Variants in EBF1 observed in about 807,000 individuals in gnomAD.
EBF1 encodes EBF transcription factor 1, also known as transcription factor COE1.
In EBF1, 10 loss-of-function variants were observed where a neutral mutation model predicts 68.4. The ratio of observed to expected loss-of-function variants is 0.15; its 90% CI spans 0.09 to 0.25. The LOEUF is 0.25. Ranked by LOEUF, EBF1 falls within the 10% of genes least tolerant of loss-of-function variation. The pLI, the probability that EBF1 is intolerant of heterozygous loss-of-function variation, is 1.00. For missense variants in EBF1, 509 were observed against 794.4 expected (o/e 0.64, Z 4.32); for synonymous variants, 298 against 299.8 (o/e 0.99, Z 0.06).
chr5:158,726,673 T>A (rs1763056591), intron 11 of EBF1, among the ~76,000 whole-genome samples: 1 of 152,190 alleles, frequency 6.6e-6, no homozygotes, highest in African/African-American at 2.4e-5. Flanking sequence ...GGCCAAGCCT[T>A]CTCAGTAGGG....
intron 2 of EBF1, chr5:159,096,676 G>T (rs1782672264): frequency 1.7e-6 from 1 of 605,438 alleles, no homozygotes; most frequent in Admixed American, 3.0e-5. Context: ...GCCACCAGAG[G>T]CAGGCGGTGC....
intron 10 of EBF1, among the ~76,000 whole-genome samples, chr5:158,770,740 A>G (rs1440933106): frequency 1.3e-5 from 2 of 152,040 alleles, no homozygotes; most frequent in Non-Finnish European, 2.9e-5. Context: ...TTGTTGGGTT[A>G]GCTCTTTGTC....
At chr5:158,849,124 G>A (rs1175961990) in intron 6 of EBF1, among the ~76,000 whole-genome samples, 1 of 152,108 alleles carries the variant, frequency 6.6e-6, no homozygotes, top group Admixed American at 6.5e-5. Context: ...CAAATTCCCA[G>A]GAAAACTTTT....
intron 11 of EBF1, among the ~76,000 whole-genome samples, chr5:158,726,538 T>C (rs576355776): frequency 3.9e-5 from 6 of 152,358 alleles, no homozygotes; most frequent in South Asian, 2.1e-4. Context: ...ATTTACCAGA[T>C]ATTTTCAGCT....
At chr5:158,768,647 T>C (rs9313789) in intron 10 of EBF1, among the ~76,000 whole-genome samples, 5,634 of 152,198 alleles carry the variant, frequency 0.037, 357 homozygotes, top group African/African-American at 0.13. Context: ...CCACGTCTCT[T>C]CGTTAACTTT....
At chr5:158,928,756 T>C (rs1055613938) in intron 6 of EBF1, among the ~76,000 whole-genome samples, 3 of 152,134 alleles carry the variant, frequency 2.0e-5, no homozygotes, top group African/African-American at 7.2e-5. Flanking sequence ...TTAAAGGGAA[T>C]AAAGAAATAT....
At chr5:159,078,528 C>T (rs1161427860) in intron 5 of EBF1, among the ~76,000 whole-genome samples, 1 of 152,204 alleles carries the variant, frequency 6.6e-6, no homozygotes, top group Non-Finnish European at 1.5e-5. Flanking sequence ...TAGGCTCCTA[C>T]GATGTGTGTT....
rs1027170560 is a variant in EBF1, at chr5:158,775,677, T to G, written c.1036+1736A>C. 2.0e-5 allele frequency among the ~76,000 whole-genome samples: 3 copies of G among 151,712 alleles called. No individual in the cohort carries two copies. The South Asian group carries it at 6.3e-4, about 32-fold the overall frequency. ...AAACTCCCATCCATTGGAATGATGCTGGGGAATGTTACAGTATCAGAAGTT... is the reference window on the plus strand; with the variant it reads ...AAACTCCCATCCATTGGAATGATGCGGGGGAATGTTACAGTATCAGAAGTT... On this transcript the variant is annotated intron_variant, in intron 10 of 15. Transcript: ENST00000313708.
At chr5:159,000,208 G>T (rs78846967) in intron 6 of EBF1, among the ~76,000 whole-genome samples, 1 of 152,074 alleles carries the variant, frequency 6.6e-6, no homozygotes, top group African/African-American at 2.4e-5. Context: ...AAGCATCAAA[G>T]CCACTTCATT....
chr5:158,796,207 TC>T, intron 9 of EBF1, 137 bp downstream of exon 9: 2 of 927,390 alleles, frequency 2.2e-6, no homozygotes, highest in Non-Finnish European at 2.9e-6. Flanking sequence ...TCTTCTAGTT[TC>T]CCCAAATTCT....
chr5:158,894,787 C>A (rs956697547), intron 6 of EBF1, among the ~76,000 whole-genome samples: 16 of 152,124 alleles, frequency 1.1e-4, no homozygotes, highest in African/African-American at 3.9e-4. Flanking sequence ...CTGCTGATTT[C>A]AATGGGCTTT....
At chr5:158,974,218 G>A (rs1324324538) in intron 6 of EBF1, among the ~76,000 whole-genome samples, 1 of 152,188 alleles carries the variant, frequency 6.6e-6, no homozygotes, top group Non-Finnish European at 1.5e-5. Context: ...GCAACCTGTG[G>A]TTCAGAGAAC....
Position 158,697,743 on chromosome 5 carries a change from T to A in EBF1, c.*1368A>T, listed in dbSNP as rs1172747927. The A allele has an allele frequency of 1.9e-5, 4 of 206,534 alleles. No individual in the cohort carries two copies. Among genetic ancestry groups the A allele is most frequent in the African/African-American group, 9.2e-5 (4 of 43,364 alleles). The allele number at this position is 206,534 out of a possible 1,614,324, so 12.8% of individuals were successfully genotyped here. ...AAATGTATAAATAGAACAACAACTT[T>A]GGCAAAAAATCACAAAAAAAAAATC... On this transcript the variant is annotated 3_prime_UTR_variant, in exon 16 of 16. Transcript: ENST00000313708.
chr5:158,950,695 T>C (rs950326164), intron 6 of EBF1, among the ~76,000 whole-genome samples: 42 of 152,188 alleles, frequency 2.8e-4, no homozygotes, highest in Non-Finnish European at 7.3e-5. Context: ...AGGCTATAAA[T>C]GAGTGGCGGG....
intron 15 of EBF1, among the ~76,000 whole-genome samples, chr5:158,701,551 G>A (rs982125127): frequency 5.9e-5 from 9 of 152,138 alleles, no homozygotes; most frequent in Admixed American, 2.0e-4. Flanking sequence ...AAGAGCCCAG[G>A]CTGCGAACAG....
At chr5:158,875,054 CAT>C (rs1290545760) in intron 6 of EBF1, among the ~76,000 whole-genome samples, 13 of 103,922 alleles carry the variant, frequency 1.3e-4, no homozygotes, top group East Asian at 3.3e-4. Context: ...CACACACACA[CAT>C]ACACACACAC....
At chr5:158,847,763 GGGACAGACTGA>G (rs1416840236) in intron 6 of EBF1, among the ~76,000 whole-genome samples, 1 of 152,174 alleles carries the variant, frequency 6.6e-6, no homozygotes, top group Non-Finnish European at 1.5e-5. Flanking sequence ...CTTGGAACTG[GGGACAGACTGA>G]GGACACATTT....
At chr5:158,931,418 G>A (rs745634319) in intron 6 of EBF1, among the ~76,000 whole-genome samples, 2 of 152,162 alleles carry the variant, frequency 1.3e-5, no homozygotes, top group Non-Finnish European at 1.5e-5. Flanking sequence ...GTTTTGGGCT[G>A]GTTTGATCCT....
At position 158,909,956 on chromosome 5, in the gene EBF1, T is replaced by TTAAAAAAAA. The variant is rs772406186; in HGVS notation, c.555-69847_555-69846insTTTTTTTTA. Among the ~76,000 whole-genome samples the TTAAAAAAAA allele has an allele frequency of 3.2e-4, 15 of 46,732 alleles. 2 individuals carry two copies. The highest frequency in any genetic ancestry group is 1.0e-3 in the African/African-American group (14 of 13,616). The allele number at this position is 46,732 out of a possible 152,430, so 30.7% of individuals were successfully genotyped here. On this transcript the variant is annotated intron_variant, in intron 6 of 15. Transcript: ENST00000313708. ...TGGTGACAGAACGAGACTCTGTCTATAAAAAAAAAAAAAAAAAAAAAAAAA... is the reference window on the plus strand; with the variant it reads ...TGGTGACAGAACGAGACTCTGTCTATTAAAAAAAAAAAAAAAAAAAAAAAAAAAAAAAAA...
Sources: gnomAD v4.1 joint callset for allele counts (sites outside exome capture counted in the v4.1 genomes callset) on GRCh38, gnomAD v4.1.1 for gene constraint, MANE v1.5 for transcripts, NCBI Gene and HGNC (gene_info 2026-07-23, HGNC 2026-07-21) for gene names.